Variants in CDH2 observed in about 807,000 individuals in gnomAD.
The protein encoded by CDH2 is cadherin-2.
Under a neutral mutation model 92.0 loss-of-function variants are expected in CDH2, and 17 were observed. That is an observed-to-expected ratio of 0.18 (90% confidence interval 0.13 to 0.28). The LOEUF (loss-of-function observed/expected upper bound fraction) is 0.28. Ranked by LOEUF, CDH2 falls within the 10% of genes least tolerant of loss-of-function variation. The pLI is 1.00. For missense variants in CDH2, 862 were observed against 1,133.1 expected (o/e 0.76, Z 3.44); for synonymous variants, 419 against 415.9 (o/e 1.01, Z -0.09).
rs1321198367 is a variant in CDH2, at chr18:28,177,093, A to AGGC, written c.-74_-72dup. 59 of 1,143,382 alleles carry AGGC rather than the reference A, an allele frequency of 5.2e-5. No individual in the cohort carries two copies. Among genetic ancestry groups the AGGC allele is most frequent in the Non-Finnish European group, 6.9e-5 (57 of 823,276 alleles). 70.8% of individuals were successfully genotyped at this position (1,143,382 alleles called of 1,614,324 possible). A position where few individuals can be genotyped will look rare whatever the true frequency, so the allele number is the denominator to read the frequency against. Reference sequence around the variant, plus strand: ...GCGGCGGCGGCGGCGGAGGAGGAGGAGGCAGCGGCAGCACCAACAGCGGCG... The same window carrying AGGC: ...GCGGCGGCGGCGGCGGAGGAGGAGGAGGCGGCAGCGGCAGCACCAACAGCGGCG... On this transcript the variant is annotated 5_prime_UTR_variant, in exon 1 of 16. Transcript: ENST00000269141.
Position 28,098,555 on chromosome 18 carries a change from A to T in CDH2, c.172+49118T>A, listed in dbSNP as rs542309097. On this transcript the variant is annotated intron_variant, in intron 2 of 15. Coordinates refer to ENST00000269141, the MANE Select transcript of CDH2 (RefSeq NM_001792.5). ...CACATGGCCGATAGCACTATAACTCATGCCTGAACAAAACTTATTGACTAC... is the reference window on the plus strand; with the variant it reads ...CACATGGCCGATAGCACTATAACTCTTGCCTGAACAAAACTTATTGACTAC... 2.0e-5 allele frequency among the ~76,000 whole-genome samples: 3 copies of T among 151,860 alleles called. No homozygotes were observed. In the East Asian group the frequency reaches 5.8e-4, roughly 30 times the overall value.
intron 2 of CDH2, among the ~76,000 whole-genome samples, chr18:28,075,008 C>A (rs890826631): frequency 1.2e-4 from 19 of 152,142 alleles, no homozygotes; most frequent in Non-Finnish European, 2.5e-4. Context: ...GGGCAATTCA[C>A]ATCTTCTTTG....
In CDH2 at chr18:27,993,621, G is replaced by A. The variant is rs749639068; in HGVS notation, c.1037C>T (p.Thr346Met). The change falls in exon 8 of 16, where the codon ACG becomes ATG. Residue 346 changes from threonine (T) to methionine (M), a missense_variant. Coordinates refer to ENST00000269141, the MANE Select transcript of CDH2 (RefSeq NM_001792.5). ...CATGTCTGTAGCTTGAATTATTAACGTATACTGTTGCACTTTCTAAAAAGA... is the reference window on the plus strand; with the variant it reads ...CATGTCTGTAGCTTGAATTATTAACATATACTGTTGCACTTTCTAAAAAGA... Reference protein sequence around the residue: ...GLDREKVQQYTLIIQATDMEG... With the variant: ...GLDREKVQQYMLIIQATDMEG... The A allele has an allele frequency of 6.8e-6, 11 of 1,611,476 alleles. No individual in the cohort carries two copies. The highest frequency in any genetic ancestry group is 4.0e-5 in the African/African-American group (3 of 74,826).
At chr18:27,958,166 T>C (rs1407655282) in intron 15 of CDH2, among the ~76,000 whole-genome samples, 1 of 152,196 alleles carries the variant, frequency 6.6e-6, no homozygotes, top group African/African-American at 2.4e-5. Context: ...TGTAACAAGG[T>C]AACAGAGCTG....
chr18:27,956,230 T>TAAACTAAACTAAACTAAAACTC (rs2011244175), intron 15 of CDH2, among the ~76,000 whole-genome samples: 1 of 152,180 alleles, frequency 6.6e-6, no homozygotes, highest in Admixed American at 6.5e-5. Context: ...CCTGTGTTTC[T>TAAACTAAACTAAACTAAAACTC]CTAGGTTTGA....
intron 2 of CDH2, among the ~76,000 whole-genome samples, chr18:28,131,094 C>T (rs1667889121): frequency 6.6e-6 from 1 of 152,048 alleles, no homozygotes; most frequent in African/African-American, 2.4e-5. Flanking sequence ...CCAATAAATA[C>T]CACATAATTT....
At chr18:28,112,386 A>C (rs2015427422) in intron 2 of CDH2, among the ~76,000 whole-genome samples, 1 of 152,162 alleles carries the variant, frequency 6.6e-6, no homozygotes, top group Non-Finnish European at 1.5e-5. Context: ...TGAGTGGAAA[A>C]AGATTCTGTC....
At chr18:28,112,439 C>T (rs538696345) in intron 2 of CDH2, among the ~76,000 whole-genome samples, 116 of 152,168 alleles carry the variant, frequency 7.6e-4, no homozygotes, top group Non-Finnish European at 1.4e-3. Context: ...GTAAAGAGGC[C>T]GACTCAAATT....
At chr18:28,118,332 C>G (rs914745111) in intron 2 of CDH2, among the ~76,000 whole-genome samples, 1 of 152,068 alleles carries the variant, frequency 6.6e-6, no homozygotes, top group Non-Finnish European at 1.5e-5. Context: ...ACATTTACAG[C>G]CAAAGTGCTC....
chr18:28,008,071 G>T (rs2012991851), intron 5 of CDH2, among the ~76,000 whole-genome samples: 1 of 151,986 alleles, frequency 6.6e-6, no homozygotes, highest in African/African-American at 2.4e-5. Flanking sequence ...CAAGCACTTA[G>T]CAATAATTTA....
At chr18:28,064,136 A>AGGG (rs779314941) in intron 2 of CDH2, among the ~76,000 whole-genome samples, 4 of 148,480 alleles carry the variant, frequency 2.7e-5, no homozygotes, top group South Asian at 4.4e-4. Context: ...TCCTCAAAAG[A>AGGG]GGGGGGGGTA....
chr18:28,149,725 G>T (rs998691587), intron 1 of CDH2, among the ~76,000 whole-genome samples: 1 of 152,162 alleles, frequency 6.6e-6, no homozygotes, highest in Admixed American at 6.5e-5. Context: ...ACTAGGAAAG[G>T]CATCAGGAAA....
At chr18:28,119,764 T>G (rs577199769) in intron 2 of CDH2, among the ~76,000 whole-genome samples, 8 of 152,226 alleles carry the variant, frequency 5.3e-5, no homozygotes, top group African/African-American at 1.9e-4. Flanking sequence ...CTGTCTCCCA[T>G]GAGGTTGCTG....
chr18:27,988,392 A>T lies in CDH2; in HGVS notation c.1741+132T>A, dbSNP rs2012302184. ...GAACACCTGTCTGAAATGATAAATA[A>T]AAGCTGGACCTCGGAATTATAAAAG... On this transcript the variant is annotated intron_variant, in intron 11 of 15. Coordinates refer to ENST00000269141, the MANE Select transcript of CDH2 (RefSeq NM_001792.5). The T allele has an allele frequency of 9.8e-6, 7 of 711,232 alleles. No individual in the cohort carries two copies. In the Middle Eastern group the frequency reaches 1.3e-3, roughly 127 times the overall value. The allele number at this position is 711,232 out of a possible 1,614,324, so 44.1% of individuals were successfully genotyped here.
chr18:28,167,751 A>T (rs960796960), intron 1 of CDH2, among the ~76,000 whole-genome samples: 2 of 152,128 alleles, frequency 1.3e-5, no homozygotes, highest in Non-Finnish European at 2.9e-5. Flanking sequence ...CACTTCCATA[A>T]AGTAAATGTA....
intron 14 of CDH2, among the ~76,000 whole-genome samples, chr18:27,967,894 A>G (rs535914299): frequency 6.6e-6 from 1 of 152,366 alleles, no homozygotes; most frequent in Non-Finnish European, 1.5e-5. Flanking sequence ...CTACAATAAA[A>G]TAAAATGTTG....
At chr18:28,008,839 A>G (rs1361778023) in intron 5 of CDH2, among the ~76,000 whole-genome samples, 1 of 152,194 alleles carries the variant, frequency 6.6e-6, no homozygotes, top group Non-Finnish European at 1.5e-5. Context: ...GAGTCTGGAA[A>G]CACATCCATG....
In CDH2 at chr18:28,131,438, A is replaced by G. The variant is rs894768771; in HGVS notation, c.172+16235T>C. 3.3e-5 allele frequency among the ~76,000 whole-genome samples: 5 copies of G among 152,174 alleles called. No individual in the cohort carries two copies. The South Asian group carries it at 8.3e-4, about 25-fold the overall frequency. Reference sequence around the variant, plus strand: ...GTTTTAATTGACACCACCTTCCCTCACATCTGGGCAAGTTACAGAACATTT... The same window carrying G: ...GTTTTAATTGACACCACCTTCCCTCGCATCTGGGCAAGTTACAGAACATTT... On this transcript the variant is annotated intron_variant, in intron 2 of 15. Transcript: ENST00000269141.
rs942026150 is a variant in CDH2 at position 27,951,125 on chromosome 18, T to A, written c.*1028A>T. The A allele has an allele frequency of 6.7e-6, 1 of 149,842 alleles. No individual in the cohort carries two copies. Among genetic ancestry groups the A allele is most frequent in the African/African-American group, 2.5e-5 (1 of 40,734 alleles). The allele number at this position is 149,842 out of a possible 1,614,324, so 9.3% of individuals were successfully genotyped here. ...TTTTAAAAAAACACACACTTAGTAG[T>A]GCCACCAGTGTCAGGCCACCCCTTT... On this transcript the variant is annotated 3_prime_UTR_variant, in exon 16 of 16. Coordinates refer to ENST00000269141, the MANE Select transcript of CDH2 (RefSeq NM_001792.5).
Sources: allele counts gnomAD v4.1 joint callset (sites outside exome capture counted in the v4.1 genomes callset), GRCh38; gene constraint gnomAD v4.1.1; transcripts MANE v1.5; gene names NCBI Gene and HGNC (gene_info 2026-07-23, HGNC 2026-07-21).